The following TXNL1 variants were observed in gnomAD, a reference collection of about 807,000 sequenced individuals.
TXNL1 encodes the protein thioredoxin like 1.
Under a neutral mutation model 35.5 loss-of-function variants are expected in TXNL1, and 14 were observed. The observed-to-expected ratio is 0.39, with a 90% CI of 0.26 to 0.62. The LOEUF (loss-of-function observed/expected upper bound fraction) is 0.62, where lower values mean the gene tolerates loss of function less well. TXNL1 is among the 20% of genes least tolerant of loss of function. TXNL1 has a pLI of 0.47. For synonymous variants in TXNL1, 110 were observed against 115.5 expected (o/e 0.95, Z 0.31); for missense variants, 263 against 349.7 (o/e 0.75, Z 1.98).
At chr18:56,633,472 AGCCAGGCATAGTGGTGCGT>A (rs1330337100) in intron 1 of TXNL1, among the ~76,000 whole-genome samples, 6 of 141,490 alleles carry the variant, frequency 4.2e-5, no homozygotes, top group Non-Finnish European at 7.7e-5. Context: ...AAAAAAAATT[AGCCAGGCATAGTGGTGCGT>A]GCCTGTAGTT....
intron 7 of TXNL1, among the ~76,000 whole-genome samples, chr18:56,604,757 T>C (rs1225760986): frequency 3.9e-5 from 6 of 152,128 alleles, no homozygotes; most frequent in African/African-American, 9.7e-5. Flanking sequence ...CAAAAGGACT[T>C]TGGGGCTAAC....
intron 1 of TXNL1, among the ~76,000 whole-genome samples, chr18:56,630,726 AACTTT>A (rs1173635721): frequency 1.3e-5 from 2 of 152,210 alleles, no homozygotes; most frequent in East Asian, 3.8e-4. Context: ...TTCAAGATTT[AACTTT>A]ATCTAGATTC....
intron 3 of TXNL1, among the ~76,000 whole-genome samples, chr18:56,621,901 G>A (rs1309049601): frequency 1.3e-5 from 2 of 151,198 alleles, no homozygotes; most frequent in African/African-American, 2.4e-5. Context: ...TTGGGAGCCC[G>A]AGGCAGAACT....
At chr18:56,627,153 T>C (rs2024299039) in intron 1 of TXNL1, among the ~76,000 whole-genome samples, 1 of 152,124 alleles carries the variant, frequency 6.6e-6, no homozygotes, top group South Asian at 2.1e-4. Context: ...TTACATATAC[T>C]TGTATCAATA....
chr18:56,616,373 T>G (rs2024086891), intron 4 of TXNL1, 59 bp from the exon 5 acceptor site: 1 of 1,418,174 alleles, frequency 7.1e-7, no homozygotes, highest in African/African-American at 1.4e-5. Context: ...GTACATAAAC[T>G]ACTGAAGCAG....
chr18:56,630,923 C>T (rs375584112), intron 1 of TXNL1, among the ~76,000 whole-genome samples: 56 of 151,900 alleles, frequency 3.7e-4, no homozygotes, highest in African/African-American at 1.1e-3. Context: ...ACTCTGTCAC[C>T]CAGGTTGAGT....
intron 3 of TXNL1, among the ~76,000 whole-genome samples, chr18:56,623,791 GTAAT>G (rs1177890115): frequency 1.3e-5 from 2 of 150,684 alleles, no homozygotes; most frequent in Non-Finnish European, 3.0e-5. Flanking sequence ...AACAAAATCA[GTAAT>G]TAGACTTTTT....
chr18:56,614,105 CTACTA>C (rs1275693416), intron 6 of TXNL1, among the ~76,000 whole-genome samples: 1 of 152,200 alleles, frequency 6.6e-6, no homozygotes, highest in Non-Finnish European at 1.5e-5. Flanking sequence ...AAACACATCA[CTACTA>C]TACCAGGTAT....
chr18:56,616,623 A>G (rs535640171), intron 4 of TXNL1, among the ~76,000 whole-genome samples: 3 of 152,320 alleles, frequency 2.0e-5, no homozygotes, highest in Non-Finnish European at 4.4e-5. Flanking sequence ...CTAACAAATC[A>G]AACAAAATTC....
rs761580544 is a variant in TXNL1 at position 56,618,044 on chromosome 18, C to T, written c.452G>A (p.Arg151Gln). Reference protein sequence around the residue: ...SDEHGFDNCLRKDTTFLESDC... With the variant: ...SDEHGFDNCLQKDTTFLESDC... ...AGATTCCAAGAAGGTTGTGTCTTTT[C>T]GTAAACAGTTGTCAAATCCATGCTC... Residue 151 changes from arginine to glutamine, a missense_variant, in exon 4 of 8, where the codon CGA becomes CAA. Arg to Gln is a conservative substitution (Grantham distance 43). Transcript: ENST00000217515. 13 of 1,613,788 alleles carry T rather than the reference C, an allele frequency of 8.1e-6. No homozygotes were observed. Among genetic ancestry groups the T allele is most frequent in the East Asian group, 2.2e-5 (1 of 44,860 alleles).
Position 56,638,414 on chromosome 18 carries a change from G to A in TXNL1, c.27C>T (p.Ser9=). The change falls in exon 1 of 8, where the codon AGC becomes AGT. Residue 9 remains serine, a synonymous_variant. Coordinates refer to ENST00000217515, the MANE Select transcript of TXNL1 (RefSeq NM_004786.3). ...TCAGCTCTGGCTGGAAATCCGGGTC[G>A]CTCCCGACGGGCTTCACCCCCACCA... The part of the protein sequence containing the change: MVGVKPVG[S]DPDFQPELSG... 6.2e-7 allele frequency: 1 copy of A among 1,613,436 alleles called. No homozygotes were observed. Among genetic ancestry groups the A allele is most frequent in the South Asian group, 1.1e-5 (1 of 90,962 alleles).
At chr18:56,638,214 G>T in intron 1 of TXNL1, 129 bp downstream of exon 1, 1 of 933,994 alleles carries the variant, frequency 1.1e-6, no homozygotes, top group Non-Finnish European at 1.6e-6. Flanking sequence ...AATTCCGGCA[G>T]CTCCTGGGGC....
chr18:56,626,818 T>TTTTTC (rs1461646703), intron 1 of TXNL1, among the ~76,000 whole-genome samples: 1 of 135,812 alleles, frequency 7.4e-6, no homozygotes, highest in East Asian at 2.1e-4. Context: ...TTTTTTTTTT[T>TTTTTC]TTTGGAGACA....
chr18:56,607,948 C>T (rs1030251407), intron 7 of TXNL1, among the ~76,000 whole-genome samples: 3 of 152,206 alleles, frequency 2.0e-5, no homozygotes, highest in African/African-American at 7.2e-5. Flanking sequence ...ATGGTTTCTA[C>T]TGAGTGCATT....
intron 1 of TXNL1, among the ~76,000 whole-genome samples, chr18:56,635,648 C>T (rs898469086): frequency 2.0e-5 from 3 of 152,090 alleles, no homozygotes; most frequent in Non-Finnish European, 4.4e-5. Context: ...CAGTTTTGTC[C>T]CTTTGGAGAA....
At position 56,606,376 on chromosome 18, in the gene TXNL1, C is replaced by CA. The variant is rs202112300; in HGVS notation, c.841-3321dup. On this transcript the variant is annotated intron_variant, in intron 7 of 7. Coordinates refer to ENST00000217515, the MANE Select transcript of TXNL1 (RefSeq NM_004786.3). ...TGGACAACAGAGCAAGACTCCGTCTCAAAAAAAAAGAAAAAAATTTCAATT... is the reference window on the plus strand; with the variant it reads ...TGGACAACAGAGCAAGACTCCGTCTCAAAAAAAAAAGAAAAAAATTTCAATT... Among the ~76,000 whole-genome samples the CA allele has an allele frequency of 1.3e-3, 190 of 149,488 alleles. No homozygotes were observed. In the Middle Eastern group the frequency reaches 0.014, roughly 11 times the overall value.
rs568470792 is a variant in TXNL1 at position 56,601,968 on chromosome 18, C to T, written c.*1059G>A. On this transcript the variant is annotated 3_prime_UTR_variant, in exon 8 of 8. Transcript: ENST00000217515. The stretch of plus-strand genomic sequence containing the variant: ...ATGTTCTCTGTATATTTACACTGCA[C>T]GTTTTGGTAGTTCAGGTAATAAATA... 8 of 152,156 alleles carry T rather than the reference C, an allele frequency of 5.3e-5. No individual in the cohort carries two copies. The highest frequency in any genetic ancestry group is 1.4e-4 in the African/African-American group (6 of 41,508). The allele number at this position is 152,156 out of a possible 1,614,324, so 9.4% of individuals were successfully genotyped here.
intron 2 of TXNL1, chr18:56,626,116 TAAC>T (rs1260417203): frequency 1.7e-5 from 19 of 1,096,252 alleles, no homozygotes; most frequent in Non-Finnish European, 2.1e-5. Flanking sequence ...GGTGACCTAT[TAAC>T]AACATCGTAT....
At position 56,624,358 on chromosome 18, in the gene TXNL1, T is replaced by C; in HGVS notation, c.299A>G (p.Glu100Gly). ...TTCTAAGTGCTGCTTGATTTTTTCTTCTAATCCCACAGCATCTGCTCCTTG... is the reference window on the plus strand; with the variant it reads ...TTCTAAGTGCTGCTTGATTTTTTCTCCTAATCCCACAGCATCTGCTCCTTG... ...QYQGADAVGL[E>G]EKIKQHLEND... The change falls in exon 3 of 8, where the codon GAA becomes GGA. Residue 100 changes from glutamate to glycine, a missense_variant. Transcript: ENST00000217515. 1 of 1,613,970 alleles carries C rather than the reference T, an allele frequency of 6.2e-7. No homozygotes were observed. Among genetic ancestry groups the C allele is most frequent in the Non-Finnish European group, 8.5e-7 (1 of 1,179,886 alleles).
Sources: gnomAD v4.1 joint callset for allele counts (sites outside exome capture counted in the v4.1 genomes callset) on GRCh38, gnomAD v4.1.1 for gene constraint, MANE v1.5 for transcripts, NCBI Gene and HGNC (gene_info 2026-07-23, HGNC 2026-07-21) for gene names.